Variants in PPP2R2B observed in about 807,000 individuals in gnomAD.
The protein encoded by PPP2R2B is protein phosphatase 2 regulatory subunit Bbeta.
PPP2R2B carries 5 observed loss-of-function variants against 46.0 expected under a neutral mutation model. The ratio of observed to expected loss-of-function variants is 0.11; its 90% CI spans 0.06 to 0.23. The LOEUF (loss-of-function observed/expected upper bound fraction) is 0.23. PPP2R2B is among the 10% of genes least tolerant of loss of function. The pLI, the probability that PPP2R2B is intolerant of heterozygous loss-of-function variation, is 1.00. For synonymous variants in PPP2R2B, 215 were observed against 206.7 expected (o/e 1.04, Z -0.34); for missense variants, 367 against 575.0 (o/e 0.64, Z 3.70).
At position 146,859,157 on chromosome 5, in the gene PPP2R2B, G is replaced by A. The variant is rs35015788; in HGVS notation, c.70+18845C>T. ...ACCATAAACTAGGTATGTGATCATAGACAAGTTGATTAACTCCACTGGATC... is the reference window on the plus strand; with the variant it reads ...ACCATAAACTAGGTATGTGATCATAAACAAGTTGATTAACTCCACTGGATC... On this transcript the variant is annotated intron_variant, in intron 2 of 9. Transcript: ENST00000394411. 7.0e-3 allele frequency among the ~76,000 whole-genome samples: 1,064 copies of A among 152,228 alleles called. 5 individuals are homozygous for A. Among genetic ancestry groups the A allele is most frequent in the Non-Finnish European group, 0.011 (769 of 68,008 alleles).
intron 1 of PPP2R2B, among the ~76,000 whole-genome samples, chr5:147,004,846 C>A (rs923421542): frequency 6.6e-6 from 1 of 152,122 alleles, no homozygotes; most frequent in Non-Finnish European, 1.5e-5. Flanking sequence ...GTGGGACAAC[C>A]CCACAACCAG....
intron 3 of PPP2R2B, among the ~76,000 whole-genome samples, 173 bp from the exon 4 acceptor site, chr5:146,698,317 A>AAAAAAAAAAAAAAATAT (rs1250416449): frequency 3.5e-5 from 3 of 85,624 alleles, no homozygotes; most frequent in African/African-American, 1.5e-4. Context: ...AAAAAAAAAA[A>AAAAAAAAAAAAAAATAT]ATATATATAT....
intron 2 of PPP2R2B, among the ~76,000 whole-genome samples, chr5:146,769,144 C>T (rs1053565158): frequency 1.3e-5 from 2 of 152,182 alleles, no homozygotes; most frequent in Non-Finnish European, 1.5e-5. Context: ...TCCCAAAGTG[C>T]TGGGATTACA....
chr5:146,794,440 A>G (rs1373800840), intron 2 of PPP2R2B, among the ~76,000 whole-genome samples: 2 of 152,338 alleles, frequency 1.3e-5, no homozygotes, highest in East Asian at 3.9e-4. Flanking sequence ...GATAGTTGCA[A>G]TCAAAGTGTA....
intron 1 of PPP2R2B, among the ~76,000 whole-genome samples, chr5:147,030,203 C>A (rs890924064): frequency 6.6e-6 from 1 of 152,044 alleles, no homozygotes; most frequent in African/African-American, 2.4e-5. Flanking sequence ...TGTTTTGACC[C>A]TCTGTACTTA....
At chr5:146,598,980 T>C (rs1771510518) in intron 8 of PPP2R2B, among the ~76,000 whole-genome samples, 2 of 152,170 alleles carry the variant, frequency 1.3e-5, no homozygotes, top group African/African-American at 4.8e-5. Context: ...ATTATGTACA[T>C]TATATCTCAA....
chr5:146,860,674 A>G (rs1760933506), intron 2 of PPP2R2B, among the ~76,000 whole-genome samples: 1 of 152,192 alleles, frequency 6.6e-6, no homozygotes, highest in Non-Finnish European at 1.5e-5. Context: ...CTTCAGGGTA[A>G]TTAAAACCAC....
At chr5:147,055,905 A>G in exon 1 of PPP2R2B, 6 of 1,437,346 alleles carry the variant, frequency 4.2e-6, no homozygotes, top group Non-Finnish European at 5.5e-6. Flanking sequence ...GATGGGTCCC[A>G]TTTTGCCATC....
chr5:147,076,408 A>C (rs932853495), intron 2 of PPP2R2B, among the ~76,000 whole-genome samples: 2 of 152,198 alleles, frequency 1.3e-5, no homozygotes, highest in Non-Finnish European at 2.9e-5. Context: ...ATTAATGATC[A>C]TATATGCATA....
chr5:146,917,885 A>C (rs563235318), intron 1 of PPP2R2B: 1 of 152,262 alleles, frequency 6.6e-6, no homozygotes, highest in Non-Finnish European at 1.5e-5. Flanking sequence ...TTTAACAGTA[A>C]AGTGCCAAGC....
rs552154450 is a variant in PPP2R2B, at chr5:146,839,526, T to C, written c.70+38476A>G. 3.9e-5 allele frequency among the ~76,000 whole-genome samples: 6 copies of C among 152,310 alleles called. No homozygotes were observed. The East Asian group carries it at 1.2e-3, about 29-fold the overall frequency. On this transcript the variant is annotated intron_variant, in intron 2 of 9. Transcript: ENST00000394411. ...TGAGCGAAATCCCATCTCAAAAATA[T>C]AGTAAAATGTATATGCAATTTCCAA... is the stretch of plus-strand genomic sequence containing the variant.
intron 1 of PPP2R2B, among the ~76,000 whole-genome samples, chr5:146,897,018 G>C (rs373847206): frequency 6.6e-6 from 1 of 152,138 alleles, no homozygotes; most frequent in Admixed American, 6.5e-5. Flanking sequence ...GCATATATTT[G>C]TCATCTCCTT....
In PPP2R2B at chr5:146,588,761, C is replaced by T. The variant is rs867095776; in HGVS notation, c.*1186G>A. On this transcript the variant is annotated 3_prime_UTR_variant, in exon 10 of 10. Coordinates refer to ENST00000394411, the MANE Select transcript of PPP2R2B (RefSeq NM_181675.4). ...TCATGTCACAGCTGCTTGATTTCCCCACAGTTCATTTCTGTAGAAGAGAGC... is the reference window on the plus strand; with the variant it reads ...TCATGTCACAGCTGCTTGATTTCCCTACAGTTCATTTCTGTAGAAGAGAGC... The T allele has an allele frequency of 2.0e-5, 3 of 152,166 alleles. No individual in the cohort carries two copies. The highest frequency in any genetic ancestry group is 2.0e-4 in the Admixed American group (3 of 15,280). 9.4% of individuals were successfully genotyped at this position (152,166 alleles called of 1,614,324 possible).
At chr5:147,070,209 G>A (rs1757545014) in intron 2 of PPP2R2B, among the ~76,000 whole-genome samples, 1 of 152,046 alleles carries the variant, frequency 6.6e-6, no homozygotes, top group Admixed American at 6.6e-5. Flanking sequence ...CACAGACCGT[G>A]GCTATTTTGA....
chr5:146,844,800 ATCTTTC>A (rs1047554643), intron 2 of PPP2R2B, among the ~76,000 whole-genome samples: 9 of 152,092 alleles, frequency 5.9e-5, no homozygotes, highest in Non-Finnish European at 1.0e-4. Flanking sequence ...ACCTTATTCT[ATCTTTC>A]TCTCAATAAC....
intron 2 of PPP2R2B, among the ~76,000 whole-genome samples, chr5:146,763,958 C>T (rs1754316422): frequency 6.6e-6 from 1 of 152,104 alleles, no homozygotes; most frequent in Non-Finnish European, 1.5e-5. Context: ...AACTTCTGCC[C>T]TCAAACTATC....
chr5:146,964,404 T>C (rs1243738500), intron 1 of PPP2R2B, among the ~76,000 whole-genome samples: 1 of 152,112 alleles, frequency 6.6e-6, no homozygotes, highest in African/African-American at 2.4e-5. Flanking sequence ...GCTAAATAGT[T>C]TGACTTGGTG....
At chr5:146,745,605 T>A (rs989817100) in intron 2 of PPP2R2B, among the ~76,000 whole-genome samples, 2 of 152,190 alleles carry the variant, frequency 1.3e-5, no homozygotes, top group Non-Finnish European at 2.9e-5. Flanking sequence ...TTTCCCCACA[T>A]AAACTGCTTG....
chr5:146,955,726 G>A (rs1431085721), intron 1 of PPP2R2B, among the ~76,000 whole-genome samples: 1 of 149,792 alleles, frequency 6.7e-6, no homozygotes, highest in Admixed American at 6.7e-5. Flanking sequence ...CTGTCCCTCT[G>A]TCTGGTCACT....
Sources: allele counts gnomAD v4.1 joint callset (sites outside exome capture counted in the v4.1 genomes callset), GRCh38; gene constraint gnomAD v4.1.1; transcripts MANE v1.5; gene names NCBI Gene and HGNC (gene_info 2026-07-23, HGNC 2026-07-21).